The following KDM1A variants were observed in gnomAD, a reference collection of about 807,000 sequenced individuals.
The protein encoded by KDM1A is lysine-specific histone demethylase 1A.
In KDM1A, 49 loss-of-function variants were observed where a neutral mutation model predicts 109.4. That is an observed-to-expected ratio of 0.45 (90% CI 0.36 to 0.57). The LOEUF is 0.57. Ranked by LOEUF, KDM1A falls within the 20% of genes least tolerant of loss-of-function variation. KDM1A has a pLI of 0.00. For synonymous variants in KDM1A, 380 were observed against 415.4 expected, an observed-to-expected ratio of 0.91 and a Z score of 1.04; for missense variants, 668 against 1,116.6, an observed-to-expected ratio of 0.60 and a Z score of 5.73.
At position 23,071,335 on chromosome 1, in the gene KDM1A, C is replaced by A. The variant is rs1194958532; in HGVS notation, c.1524C>A (p.His508Gln). 6.2e-7 allele frequency: 1 copy of A among 1,612,644 alleles called. No individual in the cohort carries two copies. The highest frequency in any genetic ancestry group is 8.5e-7 in the Non-Finnish European group (1 of 1,179,640). Residue 508 changes from histidine (H) to glutamine (Q), a missense_variant, in exon 13 of 21, where the codon CAC becomes CAA. Physicochemically the swap from His to Gln is conservative, Grantham distance 24. Transcript: ENST00000400181. The part of the protein sequence containing the change: ...ITAEFLVKSK[H>Q]RDLTALCKEY... ...CCGAGTTCTTAGTGAAAAGCAAACA[C>A]AGGGATCTGACCGCCCTATGCAAGG... is the stretch of plus-strand genomic sequence containing the variant.
intron 18 of KDM1A, chr1:23,080,847 T>C (rs1454650727): frequency 6.6e-6 from 1 of 152,332 alleles, no homozygotes; most frequent in Non-Finnish European, 1.5e-5. Context: ...CCCATATTCT[T>C]TTCCGTGTAG....
chr1:23,077,367 C>G lies in KDM1A; in HGVS notation c.1867+7C>G. 6.2e-7 allele frequency: 1 copy of G among 1,608,664 alleles called. No individual in the cohort carries two copies. ...GTTCGCTACACGGCTTCAGGTATGT[C>G]ACTGCTTTACAAAAGGTAAGAGAGA... is the stretch of plus-strand genomic sequence containing the variant. On this transcript the variant is annotated splice_region_variant and intron_variant, in intron 16 of 20. Coordinates refer to ENST00000400181, the MANE Select transcript of KDM1A (RefSeq NM_001009999.3).
chr1:23,050,971 G>A (rs1642651708), intron 4 of KDM1A, among the ~76,000 whole-genome samples: 1 of 152,156 alleles, frequency 6.6e-6, no homozygotes, highest in South Asian at 2.1e-4. Context: ...TGTAGTCCCA[G>A]CTACTTGAGA....
intron 1 of KDM1A, among the ~76,000 whole-genome samples, chr1:23,026,582 A>G (rs999018718): frequency 2.6e-5 from 4 of 151,652 alleles, no homozygotes; most frequent in African/African-American, 9.7e-5. Flanking sequence ...GAGTCTCGCT[A>G]TTTTGCCCAG....
intron 9 of KDM1A, among the ~76,000 whole-genome samples, chr1:23,064,725 C>T (rs1366091873): frequency 2.0e-5 from 3 of 152,250 alleles, no homozygotes; most frequent in South Asian, 2.1e-4. Context: ...TCTGCATGGG[C>T]GAGACACACA....
At position 23,028,431 on chromosome 1, in the gene KDM1A, A is replaced by G. The variant is rs558173847; in HGVS notation, c.352-2038A>G. Among the ~76,000 whole-genome samples the G allele has an allele frequency of 2.0e-5, 3 of 152,382 alleles. No individual in the cohort carries two copies. In the South Asian group the frequency reaches 6.2e-4, roughly 32 times the overall value. On this transcript the variant is annotated intron_variant, in intron 1 of 20. Coordinates refer to ENST00000400181, the MANE Select transcript of KDM1A (RefSeq NM_001009999.3). ...TGGATACTTTACTCCTTCAAAGGGC[A>G]TAGTATCCAATGGAACATCCTTTGG...
At position 23,082,205 on chromosome 1, in the gene KDM1A, T is replaced by C. The variant is rs758254710; in HGVS notation, c.2299-15T>C. On this transcript the variant is annotated splice_polypyrimidine_tract_variant and intron_variant, in intron 19 of 20. Coordinates refer to ENST00000400181, the MANE Select transcript of KDM1A (RefSeq NM_001009999.3). ...GGTGTCTCGTAATGACTTTTGCTCC[T>C]GGTTTTTCTTTTAGCCCAAAGAAAC... 7 of 1,612,304 alleles carry C rather than the reference T, an allele frequency of 4.3e-6. No homozygotes were observed. The highest frequency in any genetic ancestry group is 1.8e-4 in the Middle Eastern group (1 of 5,650).
At chr1:23,057,613 TAAAAG>T (rs780113422) in intron 8 of KDM1A, 48 bp downstream of exon 8, 2 of 1,385,288 alleles carry the variant, frequency 1.4e-6, no homozygotes, top group South Asian at 2.4e-5. Flanking sequence ...CTAAGACTCA[TAAAAG>T]AAATTTAAAG....
chr1:23,055,677 TG>T (rs1229744134), intron 6 of KDM1A, among the ~76,000 whole-genome samples: 1 of 152,206 alleles, frequency 6.6e-6, no homozygotes, highest in East Asian at 1.9e-4. Flanking sequence ...CTGAAACACA[TG>T]CCTGAGGTAA....
chr1:23,052,146 A>G (rs1159980443), intron 4 of KDM1A, among the ~76,000 whole-genome samples: 1 of 152,196 alleles, frequency 6.6e-6, no homozygotes, highest in Non-Finnish European at 1.5e-5. Context: ...CTGATTCACC[A>G]AAAATCCAGA....
chr1:23,081,204 A>G, intron 18 of KDM1A: 1 of 457,420 alleles, frequency 2.2e-6, no homozygotes, highest in Non-Finnish European at 3.9e-6. Context: ...CCAGGTTAGA[A>G]GCAGTGAGGT....
chr1:23,050,882 C>T (rs1370431988), intron 4 of KDM1A, among the ~76,000 whole-genome samples: 3 of 152,062 alleles, frequency 2.0e-5, no homozygotes, highest in South Asian at 4.2e-4. Context: ...GTTAAGGGTT[C>T]GAGACCACCC....
Position 23,069,080 on chromosome 1 carries a change from A to G in KDM1A, c.1342A>G (p.Lys448Glu). 6.2e-7 allele frequency: 1 copy of G among 1,610,076 alleles called. No homozygotes were observed. The highest frequency in any genetic ancestry group is 2.2e-5 in the East Asian group (1 of 44,810). ...TCTTAGGTTACAAGAGAAGCATGTC[A>G]AAGATGAGCAGATTGAACATTGGAA... is the stretch of plus-strand genomic sequence containing the variant. ...VVIQLQEKHVKDEQIEHWKKI... is the reference protein window; with the variant it reads ...VVIQLQEKHVEDEQIEHWKKI... Residue 448 changes from lysine (K) to glutamate (E), a missense_variant, in exon 12 of 21, where the codon AAA becomes GAA. Lys to Glu is a moderately conservative substitution (Grantham distance 56). Coordinates refer to ENST00000400181, the MANE Select transcript of KDM1A (RefSeq NM_001009999.3).
At chr1:23,072,253 T>A in intron 14 of KDM1A, 56 bp downstream of exon 14, 1 of 1,273,984 alleles carries the variant, frequency 7.8e-7, no homozygotes, top group Non-Finnish European at 1.1e-6. Flanking sequence ...TCTTTCAGCT[T>A]GATTTGGAAG....
At chr1:23,064,200 T>C (rs1173252544) in intron 9 of KDM1A, among the ~76,000 whole-genome samples, 2 of 152,230 alleles carry the variant, frequency 1.3e-5, no homozygotes, top group Admixed American at 6.5e-5. Flanking sequence ...TAGAATCACA[T>C]TGAATTTTAT....
At chr1:23,059,288 C>T (rs1160734346) in intron 9 of KDM1A, 121 bp downstream of exon 9, 1 of 768,366 alleles carries the variant, frequency 1.3e-6, no homozygotes, top group Non-Finnish European at 2.3e-6. Context: ...TATATATAAA[C>T]TGAGGGTAGA....
At chr1:23,059,252 C>T in intron 9 of KDM1A, 85 bp downstream of exon 9, 3 of 839,750 alleles carry the variant, frequency 3.6e-6, no homozygotes, top group Non-Finnish European at 6.1e-6. Context: ...TGAGCATATA[C>T]ATATATACAC....
intron 9 of KDM1A, among the ~76,000 whole-genome samples, chr1:23,060,261 T>C (rs1463257527): frequency 6.6e-6 from 1 of 152,222 alleles, no homozygotes; most frequent in Non-Finnish European, 1.5e-5. Context: ...GTCCCTGCTA[T>C]AGTGGTGCTT....
intron 9 of KDM1A, among the ~76,000 whole-genome samples, chr1:23,063,392 C>A (rs1464480836): frequency 2.0e-5 from 3 of 152,104 alleles, no homozygotes; most frequent in Non-Finnish European, 2.9e-5. Context: ...CTCTTACAAA[C>A]ACCGTTAACT....
Sources: allele counts gnomAD v4.1 joint callset (sites outside exome capture counted in the v4.1 genomes callset), GRCh38; gene constraint gnomAD v4.1.1; transcripts MANE v1.5; gene names NCBI Gene and HGNC (gene_info 2026-07-23, HGNC 2026-07-21).